The following MACF1 variants were observed in gnomAD, a reference collection of about 807,000 sequenced individuals.
MACF1 encodes microtubule actin crosslinking factor 1.
Under a neutral mutation model 854.8 loss-of-function variants are expected in MACF1, and 193 were observed. The ratio of observed to expected loss-of-function variants is 0.23; its 90% CI spans 0.20 to 0.25. The LOEUF (loss-of-function observed/expected upper bound fraction) is 0.25, where lower values mean the gene tolerates loss of function less well. MACF1 is among the 10% of genes least tolerant of loss of function. The pLI is 1.00. For missense variants in MACF1, 7,722 were observed against 8,929.1 expected (o/e 0.86, Z 5.45); for synonymous variants, 3,185 against 3,226.7 (o/e 0.99, Z 0.44).
chr1:39,234,722 G>C (rs1478200275), intron 2 of MACF1, among the ~76,000 whole-genome samples: 1 of 135,938 alleles, frequency 7.4e-6, no homozygotes, highest in Admixed American at 7.4e-5. Flanking sequence ...GGCGGCTGCC[G>C]GGCGGAGGGG....
chr1:39,419,800 TG>T (rs1484641216), intron 58 of MACF1, among the ~76,000 whole-genome samples: 1 of 116,890 alleles, frequency 8.6e-6, no homozygotes, highest in East Asian at 2.1e-4. Context: ...GCCTGGCTAG[TG>T]TGTGTGTGTG....
intron 2 of MACF1, among the ~76,000 whole-genome samples, chr1:39,129,910 T>G (rs921157132): frequency 3.3e-5 from 5 of 152,174 alleles, no homozygotes; most frequent in Admixed American, 2.0e-4. Flanking sequence ...CCCAAATGAT[T>G]TGAAATGGAG....
At position 39,440,240 on chromosome 1, in the gene MACF1, G is replaced by GT. The variant is rs559805068; in HGVS notation, c.18447+741dup. 6.0e-5 allele frequency among the ~76,000 whole-genome samples: 9 copies of GT among 150,222 alleles called. No individual in the cohort carries two copies. The East Asian group carries it at 1.8e-3, about 30-fold the overall frequency. On this transcript the variant is annotated intron_variant, in intron 72 of 100. Transcript: ENST00000564288. ...CAATCCAGCCACCTCAGCTTCCCTA[G>GT]TAGCTGGGTCATATGCCACCATGCC...
chr1:39,190,265 C>T (rs952247740), intron 2 of MACF1, among the ~76,000 whole-genome samples: 10 of 151,726 alleles, frequency 6.6e-5, no homozygotes, highest in African/African-American at 1.2e-4. Context: ...CTCCCTCCTT[C>T]GCTGCCTCTC....
At chr1:39,425,424 T>C (rs535517773) in intron 61 of MACF1, among the ~76,000 whole-genome samples, 21 of 152,332 alleles carry the variant, frequency 1.4e-4, no homozygotes, top group Admixed American at 9.1e-4. Context: ...CTCAGAGATA[T>C]TTAATTGACT....
At chr1:39,202,600 A>C (rs930464138), upstream of MACF1, among the ~76,000 whole-genome samples, 30 of 151,270 alleles carry the variant, frequency 2.0e-4, no homozygotes, top group African/African-American at 5.6e-4. Flanking sequence ...ATGCCACTGC[A>C]CTCCAGCCTG....
chr1:39,443,643 C>A, intron 79 of MACF1, 69 bp downstream of exon 79: 6 of 1,446,834 alleles, frequency 4.1e-6, no homozygotes, highest in South Asian at 2.6e-5. Context: ...AGTTCACAGT[C>A]ATAATTAATA....
intron 2 of MACF1, among the ~76,000 whole-genome samples, chr1:39,147,674 A>G (rs1038298145): frequency 1.3e-5 from 2 of 151,994 alleles, no homozygotes; most frequent in Non-Finnish European, 2.9e-5. Context: ...ACACACAACC[A>G]AGGCTGGTCT....
At chr1:39,463,742 C>G in intron 94 of MACF1, 56 bp downstream of exon 94, 2 of 1,468,574 alleles carry the variant, frequency 1.4e-6, no homozygotes, top group Non-Finnish European at 9.5e-7. Flanking sequence ...TGTGGCTGAT[C>G]CCACCTTTTC....
rs748411610 is a variant in MACF1, at chr1:39,340,908, T to C, written c.10536T>C (p.Ser3512=). Residue 3512 remains serine (S), a synonymous_variant, in exon 40 of 101, where the codon AGT becomes AGC. Coordinates refer to ENST00000564288, the MANE Select transcript of MACF1 (RefSeq NM_001394062.1). ...TTCTGAACAGCAAGGGATCTAACAG[T>C]GAAATAGATGTTGACAGCCTGAACC... ...NLILNSKGSN[S]EIDVDSLNLC... 28 of 1,613,170 alleles carry C rather than the reference T, an allele frequency of 1.7e-5. No homozygotes were observed. The highest frequency in any genetic ancestry group is 2.3e-5 in the Non-Finnish European group (27 of 1,179,606).
chr1:39,292,365 C>T (rs556498283), intron 16 of MACF1, among the ~76,000 whole-genome samples: 1 of 152,222 alleles, frequency 6.6e-6, no homozygotes, highest in African/African-American at 2.4e-5. Flanking sequence ...TTTACTTCCC[C>T]ATCTGCCTGC....
chr1:39,145,779 T>G (rs1643449701), intron 2 of MACF1, among the ~76,000 whole-genome samples: 1 of 152,176 alleles, frequency 6.6e-6, no homozygotes, highest in Admixed American at 6.5e-5. Context: ...GTGATTTCAT[T>G]TAGGAATTTC....
At chr1:39,485,117 A>T (rs1645079602) in intron 100 of MACF1, 1 of 329,668 alleles carries the variant, frequency 3.0e-6, no homozygotes, top group Non-Finnish European at 5.6e-6. Context: ...GCAGGGGAAG[A>T]TCACATCTGT....
chr1:39,234,392 G>T (rs1227724108), intron 2 of MACF1, among the ~76,000 whole-genome samples: 1 of 150,924 alleles, frequency 6.6e-6, no homozygotes, highest in South Asian at 2.1e-4. Flanking sequence ...CTCACCTTCC[G>T]GGCGGGGCGG....
chr1:39,440,627 T>G (rs920253002), intron 72 of MACF1, among the ~76,000 whole-genome samples: 1 of 152,180 alleles, frequency 6.6e-6, no homozygotes, highest in African/African-American at 2.4e-5. Context: ...CCAGCACTTC[T>G]GTTATACTCT....
chr1:39,176,470 C>T (rs1278066341), intron 2 of MACF1, among the ~76,000 whole-genome samples: 4 of 152,084 alleles, frequency 2.6e-5, no homozygotes, highest in Non-Finnish European at 5.9e-5. Flanking sequence ...CGTTTAAATT[C>T]TGTAATCATA....
intron 55 of MACF1, among the ~76,000 whole-genome samples, chr1:39,380,722 A>G (rs1004524111): frequency 3.3e-5 from 5 of 152,174 alleles, no homozygotes; most frequent in Non-Finnish European, 7.4e-5. Context: ...TCTGGGCAAC[A>G]TAGCAAGATC....
chr1:39,357,664 A>G lies in MACF1; in HGVS notation c.11714A>G (p.Lys3905Arg). 6.2e-7 allele frequency: 1 copy of G among 1,614,200 alleles called. No homozygotes were observed. The highest frequency in any genetic ancestry group is 2.2e-5 in the East Asian group (1 of 44,892). Residue 3905 changes from lysine (K) to arginine (R), a missense_variant, in exon 45 of 101, where the codon AAG becomes AGG. Lys to Arg is a conservative substitution (Grantham distance 26, BLOSUM62 2). Coordinates refer to ENST00000564288, the MANE Select transcript of MACF1 (RefSeq NM_001394062.1). Reference protein sequence around the residue: ...RSEKELENMHKGGSSPETLPS... With the variant: ...RSEKELENMHRGGSSPETLPS... ...GAGAAAGAGCTGGAGAACATGCATA[A>G]GGGAGGCAGCAGCCCCGAGACCCTT... is the stretch of plus-strand genomic sequence containing the variant.
chr1:39,171,134 C>A (rs1346055130), intron 2 of MACF1, among the ~76,000 whole-genome samples: 3 of 151,966 alleles, frequency 2.0e-5, no homozygotes, highest in Non-Finnish European at 2.9e-5. Flanking sequence ...TTGAATTTAA[C>A]AGACGTTGGG....
Sources: allele counts gnomAD v4.1 joint callset (sites outside exome capture counted in the v4.1 genomes callset), GRCh38; gene constraint gnomAD v4.1.1; transcripts MANE v1.5; gene names NCBI Gene and HGNC (gene_info 2026-07-23, HGNC 2026-07-21).